The following ZNF606 variants were observed in gnomAD, a reference collection of about 807,000 sequenced individuals.
ZNF606 encodes the protein zinc finger protein 606.
A neutral mutation model predicts 74.9 loss-of-function variants in ZNF606; 37 were observed. The observed-to-expected ratio is 0.49, with a 90% confidence interval of 0.38 to 0.65. ZNF606 has a LOEUF of 0.65. Ranked by LOEUF, ZNF606 falls within the 30% of genes least tolerant of loss-of-function variation. ZNF606 has a pLI of 0.00. For missense variants in ZNF606, 852 were observed against 952.9 expected, an observed-to-expected ratio of 0.89 and a Z score of 1.39; for synonymous variants, 328 against 312.4, an observed-to-expected ratio of 1.05 and a Z score of -0.53.
In ZNF606 at chr19:58,000,601, ATTCTAT is replaced by A. The variant is rs769067390; in HGVS notation, c.88+76_88+81del. 4 of 1,476,920 alleles carry A rather than the reference ATTCTAT, an allele frequency of 2.7e-6. No individual in the cohort carries two copies. The African/African-American group carries it at 5.5e-5, about 20-fold the overall frequency. 91.5% of individuals were successfully genotyped at this position (1,476,920 alleles called of 1,614,324 possible). ...TGCCCTAAAGCCCCACCTGGTCCCC[ATTCTAT>A]TCCCCAGCTGTGGCAGAGCACTACA... On this transcript the variant is annotated intron_variant, in intron 3 of 6. Transcript: ENST00000551380.
intron 3 of ZNF606, 65 bp downstream of exon 3, chr19:58,000,618 T>G: frequency 6.5e-7 from 1 of 1,548,828 alleles, no homozygotes; most frequent in Non-Finnish European, 8.9e-7. Context: ...TCCCCAGCTG[T>G]GGCAGAGCAC....
rs563390294 is a variant in ZNF606 at position 58,002,521 on chromosome 19, C to G, written c.-177G>C. 5.3e-5 allele frequency: 23 copies of G among 433,416 alleles called. No individual in the cohort carries two copies. The East Asian group carries it at 1.6e-3, about 29-fold the overall frequency. 26.8% of individuals were successfully genotyped at this position (433,416 alleles called of 1,614,324 possible). A position where few individuals can be genotyped will look rare whatever the true frequency, so the allele number is the denominator to read the frequency against. ...GGAGTGCGCTTGGGAGCTCCCGGCGCGGCCTCGGGGACAAAGGCCCGCGGA... is the reference window on the plus strand; with the variant it reads ...GGAGTGCGCTTGGGAGCTCCCGGCGGGGCCTCGGGGACAAAGGCCCGCGGA... On this transcript the variant is annotated 5_prime_UTR_variant, in exon 1 of 7. Transcript: ENST00000551380.
At chr19:57,988,355 A>G (rs1475066371) in intron 5 of ZNF606, 53 bp from the exon 6 acceptor site, 1 of 1,560,434 alleles carries the variant, frequency 6.4e-7, no homozygotes, top group Non-Finnish European at 8.8e-7. Flanking sequence ...CAGGACAGCC[A>G]AAGAAAGCTT....
chr19:57,994,785 G>C (rs73068376), intron 4 of ZNF606, among the ~76,000 whole-genome samples: 19,419 of 152,162 alleles, frequency 0.13, 1,253 homozygotes, highest in Non-Finnish European at 0.15. Context: ...ATAATGTCAA[G>C]TGTCGACAAA....
chr19:57,988,026 T>C lies in ZNF606; in HGVS notation c.400+181A>G, dbSNP rs139324278. ...ATCAAGAGCCGACAGCGAGGGAAAA[T>C]GGCTACCTTATTAGGATGGTGATGC... is the stretch of plus-strand genomic sequence containing the variant. On this transcript the variant is annotated intron_variant, in intron 6 of 6. Transcript: ENST00000551380. 2.4e-3 allele frequency among the ~76,000 whole-genome samples: 360 copies of C among 152,152 alleles called. 1 individual carries two copies. The highest frequency in any genetic ancestry group is 4.0e-3 in the Non-Finnish European group (269 of 67,996).
At chr19:57,992,094 A>T (rs111654917) in intron 4 of ZNF606, among the ~76,000 whole-genome samples, 1 of 152,184 alleles carries the variant, frequency 6.6e-6, no homozygotes, top group Non-Finnish European at 1.5e-5. Flanking sequence ...TGGAATCATT[A>T]TATGTTCAAA....
At chr19:57,990,588 G>C (rs553175804) in intron 4 of ZNF606, among the ~76,000 whole-genome samples, 1 of 146,632 alleles carries the variant, frequency 6.8e-6, no homozygotes, top group Non-Finnish European at 1.5e-5. Flanking sequence ...CCGCTCAACA[G>C]ACACGTGTGC....
At chr19:57,984,114 A>G (rs2073130188) in intron 6 of ZNF606, among the ~76,000 whole-genome samples, 1 of 152,250 alleles carries the variant, frequency 6.6e-6, no homozygotes, top group South Asian at 2.1e-4. Flanking sequence ...TTTCAGAGGA[A>G]GAAAATCTTG....
chr19:58,001,620 C>A (rs2073430282), intron 1 of ZNF606, among the ~76,000 whole-genome samples: 1 of 152,132 alleles, frequency 6.6e-6, no homozygotes, highest in South Asian at 2.1e-4. Flanking sequence ...CAAGAGACAG[C>A]CAGTCACAAC....
Position 58,000,686 on chromosome 19 carries a change from A to T in ZNF606, c.85T>A (p.Trp29Arg). Residue 29 changes from tryptophan (W) to arginine (R), a missense_variant, in exon 3 of 7, where the codon TGG becomes AGG. This residue lies in a region of ZNF606 where 545 missense variants were observed against 542.5 expected (regional missense o/e 1.00). Coordinates refer to ENST00000551380, the MANE Select transcript of ZNF606 (RefSeq NM_001348022.3). ...GMTAVDPWAS[W>R]ALCPQYPAWH... The stretch of plus-strand genomic sequence containing the variant: ...GCTGACCAGGCTCTTGACTCACCCC[A>T]GGAGGCCCATGGGTCAACAGCTGTC... 4 of 1,613,734 alleles carry T rather than the reference A, an allele frequency of 2.5e-6. No individual in the cohort carries two copies. The highest frequency in any genetic ancestry group is 2.5e-6 in the Non-Finnish European group (3 of 1,179,828).
In ZNF606 at chr19:57,979,278, T is replaced by G. The variant is rs776269063; in HGVS notation, c.1402A>C (p.Asn468His). The change falls in exon 7 of 7, where the codon AAT becomes CAT. Residue 468 changes from asparagine to histidine, a missense_variant. Transcript: ENST00000551380. ...CNKCGKAFSW[N>H]SHLIVHKRIH... is the part of the protein sequence containing the mutation. ...CTCTTATGTACAATAAGATGAGAATTCCAGCTGAAGGCTTTTCCACATTTA... is the reference window on the plus strand; with the variant it reads ...CTCTTATGTACAATAAGATGAGAATGCCAGCTGAAGGCTTTTCCACATTTA... 1 of 1,614,068 alleles carries G rather than the reference T, an allele frequency of 6.2e-7. No homozygotes were observed. The highest frequency in any genetic ancestry group is 8.5e-7 in the Non-Finnish European group (1 of 1,180,016).
At chr19:57,987,212 T>C (rs1259849136) in intron 6 of ZNF606, among the ~76,000 whole-genome samples, 1 of 152,144 alleles carries the variant, frequency 6.6e-6, no homozygotes, top group East Asian at 1.9e-4. Context: ...GGAATAACAG[T>C]AATGTGAGTA....
At chr19:57,997,027 C>G (rs929259335) in intron 4 of ZNF606, among the ~76,000 whole-genome samples, 1 of 152,184 alleles carries the variant, frequency 6.6e-6, no homozygotes, top group African/African-American at 2.4e-5. Flanking sequence ...AACTGCTCCC[C>G]CTTCAAGGAA....
chr19:58,000,173 C>T (rs970818746), intron 3 of ZNF606: 8 of 504,260 alleles, frequency 1.6e-5, no homozygotes, highest in African/African-American at 3.8e-5. Context: ...AACGGCCACA[C>T]ATGAATTCTC....
At chr19:57,994,535 G>A (rs1279189340) in intron 4 of ZNF606, among the ~76,000 whole-genome samples, 1 of 152,166 alleles carries the variant, frequency 6.6e-6, no homozygotes, top group Non-Finnish European at 1.5e-5. Context: ...CTACAGACTG[G>A]GAGGAGTTAG....
At chr19:57,995,630 C>T (rs1372673915) in intron 4 of ZNF606, among the ~76,000 whole-genome samples, 1 of 152,030 alleles carries the variant, frequency 6.6e-6, no homozygotes, top group African/African-American at 2.4e-5. Context: ...ACTAGCCTGC[C>T]CAATATGACA....
chr19:58,003,034 C>G (rs183682347), upstream of ZNF606: 3 of 429,866 alleles, frequency 7.0e-6, no homozygotes, highest in East Asian at 2.1e-4. Flanking sequence ...CCTCCCACTG[C>G]AAAAAGGCCT....
At chr19:57,999,967 G>T in intron 3 of ZNF606, 71 bp from the exon 4 acceptor site, 1 of 1,427,512 alleles carries the variant, frequency 7.0e-7, no homozygotes, top group Non-Finnish European at 9.6e-7. Context: ...CTGGGGGGCT[G>T]AGAACCAGCC....
intron 4 of ZNF606, among the ~76,000 whole-genome samples, chr19:57,992,040 A>G (rs1408871289): frequency 1.3e-5 from 2 of 152,166 alleles, no homozygotes; most frequent in Non-Finnish European, 2.9e-5. Flanking sequence ...ACCAGCTGGT[A>G]GACTAAGCCA....
Sources: gnomAD v4.1 joint callset for allele counts (sites outside exome capture counted in the v4.1 genomes callset) on GRCh38, gnomAD v4.1.1 for gene constraint, gnomAD v4.1.1 regional missense constraint, MANE v1.5 for transcripts, NCBI Gene and HGNC (gene_info 2026-07-23, HGNC 2026-07-21) for gene names.